NRG3: variants seen among roughly 807,000 people sequenced by gnomAD.
The protein encoded by NRG3 is neuregulin 3.
In NRG3, 31 loss-of-function variants were observed where a neutral mutation model predicts 66.9. The observed-to-expected ratio is 0.46, with a 90% CI of 0.35 to 0.63. The LOEUF (loss-of-function observed/expected upper bound fraction) is 0.63, where lower values mean the gene tolerates loss of function less well. Ranked by LOEUF, NRG3 falls within the 20% of genes least tolerant of loss-of-function variation. NRG3 has a pLI of 0.00. For synonymous variants in NRG3, 393 were observed against 359.4 expected (o/e 1.09, Z -1.06); for missense variants, 910 against 878.9 (o/e 1.04, Z -0.45).
intron 1 of NRG3, among the ~76,000 whole-genome samples, chr10:82,307,017 C>A (rs1407144854): frequency 6.6e-6 from 1 of 151,878 alleles, no homozygotes; most frequent in Non-Finnish European, 1.5e-5. Context: ...TCCTAGTTGT[C>A]TTCTCGGTTA....
At chr10:82,320,845 A>G (rs935667033) in intron 1 of NRG3, among the ~76,000 whole-genome samples, 4 of 152,112 alleles carry the variant, frequency 2.6e-5, no homozygotes, top group African/African-American at 7.2e-5. Context: ...TCCAAGACCA[A>G]TCTGGCTTAC....
intron 1 of NRG3, among the ~76,000 whole-genome samples, chr10:82,235,880 A>T (rs927494027): frequency 1.3e-5 from 2 of 152,104 alleles, no homozygotes; most frequent in Non-Finnish European, 2.9e-5. Flanking sequence ...ATGCCTCTAT[A>T]TTAATAGAGA....
At chr10:82,348,471 C>T (rs1019390087) in intron 1 of NRG3, among the ~76,000 whole-genome samples, 1 of 150,530 alleles carries the variant, frequency 6.6e-6, no homozygotes, top group Non-Finnish European at 1.5e-5. Context: ...TTGAGGGTAA[C>T]CTGACCTTTC....
chr10:82,839,821 T>C (rs1455374361), intron 3 of NRG3, among the ~76,000 whole-genome samples: 1 of 152,060 alleles, frequency 6.6e-6, no homozygotes. Context: ...TACAACTCAG[T>C]ACTAATTATA....
At chr10:82,870,909 A>G (rs1342670122) in intron 4 of NRG3, among the ~76,000 whole-genome samples, 1 of 152,212 alleles carries the variant, frequency 6.6e-6, no homozygotes, top group Non-Finnish European at 1.5e-5. Flanking sequence ...TGCAAAGCAG[A>G]AATTTTCAAT....
At chr10:81,989,164 C>T (rs1172584985) in intron 1 of NRG3, among the ~76,000 whole-genome samples, 1 of 152,138 alleles carries the variant, frequency 6.6e-6, no homozygotes, top group African/African-American at 2.4e-5. Flanking sequence ...AGGATATTGT[C>T]ATTAACTACA....
At chr10:82,619,680 G>A (rs145524066) in intron 2 of NRG3, among the ~76,000 whole-genome samples, 10 of 152,192 alleles carry the variant, frequency 6.6e-5, no homozygotes, top group Non-Finnish European at 1.2e-4. Flanking sequence ...TGTTTAAAGC[G>A]GTAATAAGGT....
At chr10:82,064,266 C>T (rs1362590372) in intron 1 of NRG3, among the ~76,000 whole-genome samples, 1 of 152,070 alleles carries the variant, frequency 6.6e-6, no homozygotes, top group African/African-American at 2.4e-5. Context: ...ATTCTAGTAC[C>T]ATGGAGATTT....
intron 2 of NRG3, among the ~76,000 whole-genome samples, chr10:82,647,848 G>A (rs1354056150): frequency 1.3e-5 from 2 of 150,016 alleles, no homozygotes; most frequent in African/African-American, 2.5e-5. Context: ...TTTTGATGGG[G>A]TTGTTTGTTT....
chr10:82,640,991 T>G (rs2050531336), intron 2 of NRG3, among the ~76,000 whole-genome samples: 3 of 151,882 alleles, frequency 2.0e-5, no homozygotes, highest in African/African-American at 4.8e-5. Context: ...CCTAGGGTCT[T>G]TAAATTTTTC....
At chr10:82,407,051 C>T (rs975364001) in intron 2 of NRG3, among the ~76,000 whole-genome samples, 2 of 96,514 alleles carry the variant, frequency 2.1e-5, no homozygotes, top group African/African-American at 8.2e-5. Flanking sequence ...GTAAGAACCA[C>T]CCACCCCCGC....
intron 1 of NRG3, chr10:82,166,665 G>T: frequency 4.4e-6 from 2 of 458,214 alleles, no homozygotes; most frequent in South Asian, 3.8e-5. Flanking sequence ...TGTATATATA[G>T]AAAAATATAT....
At chr10:81,926,740 G>T (rs1015597481) in intron 1 of NRG3, among the ~76,000 whole-genome samples, 2 of 152,186 alleles carry the variant, frequency 1.3e-5, no homozygotes, top group Non-Finnish European at 2.9e-5. Context: ...TTATGAGCAA[G>T]GTTGAGTACC....
chr10:82,004,415 T>C (rs1168617203), intron 1 of NRG3, among the ~76,000 whole-genome samples: 5 of 152,170 alleles, frequency 3.3e-5, no homozygotes, highest in Non-Finnish European at 7.4e-5. Flanking sequence ...GTAAAGTCCT[T>C]GAGCAGAGTG....
chr10:81,963,839 T>G (rs1055671056), intron 1 of NRG3, among the ~76,000 whole-genome samples: 1 of 152,250 alleles, frequency 6.6e-6, no homozygotes, highest in Non-Finnish European at 1.5e-5. Context: ...TCTTTATTTT[T>G]GTTCCCTCAG....
At chr10:82,482,696 A>T (rs1422197202) in intron 2 of NRG3, among the ~76,000 whole-genome samples, 2 of 152,152 alleles carry the variant, frequency 1.3e-5, no homozygotes, top group Non-Finnish European at 2.9e-5. Context: ...GCCTATTATA[A>T]CCAGCTATCT....
At chr10:82,344,329 T>C (rs2082861785) in intron 1 of NRG3, among the ~76,000 whole-genome samples, 1 of 151,506 alleles carries the variant, frequency 6.6e-6, no homozygotes, top group Non-Finnish European at 1.5e-5. Context: ...TTTTTTGTTC[T>C]TGCGATAGTT....
intron 4 of NRG3, among the ~76,000 whole-genome samples, chr10:82,949,184 T>TA (rs1259067804): frequency 6.6e-6 from 1 of 152,186 alleles, no homozygotes; most frequent in East Asian, 1.9e-4. Context: ...ATCACATTGA[T>TA]TAATTTTAAA....
chr10:82,529,753 A>T (rs551310834), intron 2 of NRG3, among the ~76,000 whole-genome samples: 1 of 152,270 alleles, frequency 6.6e-6, no homozygotes, highest in African/African-American at 2.4e-5. Flanking sequence ...GCATCTACTT[A>T]AAAAAATCAC....
Sources: gnomAD v4.1 joint callset for allele counts (sites outside exome capture counted in the v4.1 genomes callset) on GRCh38, gnomAD v4.1.1 for gene constraint, MANE v1.5 for transcripts, NCBI Gene and HGNC (gene_info 2026-07-23, HGNC 2026-07-21) for gene names.